Variants in PRKAA2 observed in about 807,000 individuals in gnomAD.
PRKAA2 encodes the protein protein kinase AMP-activated catalytic subunit alpha 2, also known as 5'-AMP-activated protein kinase catalytic subunit alpha-2.
PRKAA2 carries 40 observed loss-of-function variants against 56.3 expected under a neutral mutation model. The observed-to-expected ratio is 0.71, with a 90% CI of 0.55 to 0.92. The LOEUF is 0.92. PRKAA2 is among the 40% of genes least tolerant of loss of function. The probability of loss-of-function intolerance (pLI) is 0.00; values close to 1 mark genes in which losing one functional copy is unlikely to be tolerated. For missense variants in PRKAA2, 542 were observed against 686.9 expected (o/e 0.79, Z 2.36); for synonymous variants, 214 against 234.2 (o/e 0.91, Z 0.79).
intron 7 of PRKAA2, among the ~76,000 whole-genome samples, chr1:56,704,751 A>G (rs1278779378): frequency 1.3e-5 from 2 of 152,192 alleles, no homozygotes; most frequent in Non-Finnish European, 2.9e-5. Flanking sequence ...CATCATAGCA[A>G]TGAAAAATCA....
At position 56,714,963 on chromosome 1, in the gene PRKAA2, C is replaced by A. The variant is rs1050299485; in HGVS notation, c.*7250C>A. On this transcript the variant is annotated 3_prime_UTR_variant, in exon 9 of 9. Coordinates refer to ENST00000371244, the MANE Select transcript of PRKAA2 (RefSeq NM_006252.4). ...ATTGACCCATTGAAGTACTTCATTA[C>A]GTATTTATTGAAAATTTTTTTTAAT... is the stretch of plus-strand genomic sequence containing the variant. 1.3e-5 allele frequency: 2 copies of A among 151,566 alleles called. No homozygotes were observed. Among genetic ancestry groups the A allele is most frequent in the Non-Finnish European group, 2.9e-5 (2 of 67,916 alleles). 9.4% of individuals were successfully genotyped at this position (151,566 alleles called of 1,614,324 possible).
intron 2 of PRKAA2, among the ~76,000 whole-genome samples, chr1:56,677,938 T>C (rs1644125343): frequency 6.6e-6 from 1 of 152,318 alleles, no homozygotes; most frequent in South Asian, 2.1e-4. Flanking sequence ...ATTACAGGCT[T>C]GAGCCACTGC....
chr1:56,648,921 T>A (rs530834412), intron 1 of PRKAA2, among the ~76,000 whole-genome samples: 12 of 152,326 alleles, frequency 7.9e-5, no homozygotes, highest in African/African-American at 2.9e-4. Flanking sequence ...ATCTTATAAG[T>A]TGAGTTGTGA....
chr1:56,649,514 T>TTTGA (rs150313417), intron 1 of PRKAA2, among the ~76,000 whole-genome samples: 2,854 of 152,150 alleles, frequency 0.019, 38 homozygotes, highest in South Asian at 0.05. Flanking sequence ...AGACCCTGTC[T>TTTGA]TTGATTGATT....
chr1:56,663,807 A>G (rs1644013165), intron 1 of PRKAA2, among the ~76,000 whole-genome samples: 1 of 152,110 alleles, frequency 6.6e-6, no homozygotes, highest in African/African-American at 2.4e-5. Flanking sequence ...CATCTTCAAA[A>G]TCATCTTGTC....
intron 1 of PRKAA2, among the ~76,000 whole-genome samples, chr1:56,662,995 T>A (rs553342204): frequency 6.6e-6 from 1 of 152,300 alleles, no homozygotes; most frequent in South Asian, 2.1e-4. Flanking sequence ...ATGTTGTTGT[T>A]CCTTGGCCCT....
intron 2 of PRKAA2, among the ~76,000 whole-genome samples, chr1:56,683,490 A>C (rs1644170052): frequency 1.3e-5 from 2 of 152,140 alleles, no homozygotes; most frequent in Admixed American, 6.5e-5. Context: ...ATAAAGCCAG[A>C]AAGGCAGGTT....
Position 56,709,679 on chromosome 1 carries a change from A to G in PRKAA2, c.*1966A>G, listed in dbSNP as rs1249654754. Reference sequence around the variant, plus strand: ...ACCTTAGAAATAAGGAACTAATCAGATTACTTAACCCCAATGACAAAATCC... The same window carrying G: ...ACCTTAGAAATAAGGAACTAATCAGGTTACTTAACCCCAATGACAAAATCC... On this transcript the variant is annotated 3_prime_UTR_variant, in exon 9 of 9. Transcript: ENST00000371244. 6.6e-6 allele frequency: 1 copy of G among 152,144 alleles called. No individual in the cohort carries two copies. Among genetic ancestry groups the G allele is most frequent in the Non-Finnish European group, 1.5e-5 (1 of 68,002 alleles). The allele number at this position is 152,144 out of a possible 1,614,324, so 9.4% of individuals were successfully genotyped here. A position where few individuals can be genotyped will look rare whatever the true frequency, so the allele number is the denominator to read the frequency against.
intron 6 of PRKAA2, among the ~76,000 whole-genome samples, chr1:56,699,428 G>A (rs561009792): frequency 6.6e-6 from 1 of 152,222 alleles, no homozygotes; most frequent in African/African-American, 2.4e-5. Context: ...AAACATCCTA[G>A]TTACTGCTCA....
At chr1:56,658,958 C>A (rs1643969697) in intron 1 of PRKAA2, among the ~76,000 whole-genome samples, 1 of 150,904 alleles carries the variant, frequency 6.6e-6, no homozygotes. Flanking sequence ...CCATGCCCGG[C>A]TAATTTTTAA....
chr1:56,649,662 A>G (rs1247426547), intron 1 of PRKAA2, among the ~76,000 whole-genome samples: 1 of 152,132 alleles, frequency 6.6e-6, no homozygotes, highest in Non-Finnish European at 1.5e-5. Flanking sequence ...TTTATTAATT[A>G]GTTTTTTTTA....
intron 6 of PRKAA2, among the ~76,000 whole-genome samples, chr1:56,699,084 A>C (rs1321377896): frequency 6.6e-6 from 1 of 152,296 alleles, no homozygotes; most frequent in East Asian, 1.9e-4. Context: ...CATAGATCAA[A>C]CCTTGTGAAA....
At chr1:56,701,622 C>T (rs932809450) in intron 6 of PRKAA2, among the ~76,000 whole-genome samples, 14 of 152,044 alleles carry the variant, frequency 9.2e-5, no homozygotes, top group African/African-American at 1.2e-4. Context: ...TGTCGCCGGG[C>T]GCGGTGGCTC....
chr1:56,694,920 T>C (rs1191714329), intron 5 of PRKAA2, among the ~76,000 whole-genome samples: 1 of 152,128 alleles, frequency 6.6e-6, no homozygotes, highest in Admixed American at 6.6e-5. Context: ...AGATTTACTT[T>C]GTTACCTCAG....
chr1:56,648,652 A>G (rs1646663375), intron 1 of PRKAA2, among the ~76,000 whole-genome samples: 1 of 152,202 alleles, frequency 6.6e-6, no homozygotes, highest in Non-Finnish European at 1.5e-5. Flanking sequence ...TGGTCACACC[A>G]TTTTATAACA....
At chr1:56,654,564 T>C (rs997685466) in intron 1 of PRKAA2, among the ~76,000 whole-genome samples, 7 of 152,244 alleles carry the variant, frequency 4.6e-5, no homozygotes, top group Admixed American at 4.6e-4. Context: ...CTAGTGTATT[T>C]ATCAACTACA....
intron 1 of PRKAA2, among the ~76,000 whole-genome samples, chr1:56,646,577 A>C (rs557565929): frequency 2.6e-5 from 4 of 152,344 alleles, no homozygotes; most frequent in South Asian, 2.1e-4. Flanking sequence ...TTCTCTCCAG[A>C]ATAGAGACAG....
At chr1:56,676,162 A>G (rs573439736) in intron 2 of PRKAA2, among the ~76,000 whole-genome samples, 2 of 152,260 alleles carry the variant, frequency 1.3e-5, no homozygotes, top group East Asian at 1.9e-4. Context: ...CCCCATGTCT[A>G]TTTCCTAATT....
At chr1:56,651,970 T>G (rs995921775) in intron 1 of PRKAA2, among the ~76,000 whole-genome samples, 1 of 151,334 alleles carries the variant, frequency 6.6e-6, no homozygotes, top group Non-Finnish European at 1.5e-5. Flanking sequence ...GCCTCCCCAG[T>G]AGCTGAGACT....
Sources: gnomAD v4.1 joint callset for allele counts (sites outside exome capture counted in the v4.1 genomes callset) on GRCh38, gnomAD v4.1.1 for gene constraint, MANE v1.5 for transcripts, NCBI Gene and HGNC (gene_info 2026-07-23, HGNC 2026-07-21) for gene names.